Variants in ANO3 observed in about 807,000 individuals in gnomAD.
ANO3 encodes the protein anoctamin-3.
A neutral mutation model predicts 144.8 loss-of-function variants in ANO3; 99 were observed. The observed-to-expected ratio is 0.68, with a 90% CI of 0.58 to 0.81. ANO3 has a LOEUF of 0.81. Ranked by LOEUF, ANO3 falls within the 30% of genes least tolerant of loss-of-function variation. The pLI is 0.00. For missense variants in ANO3, 905 were observed against 1,202.2 expected (o/e 0.75, Z 3.66); for synonymous variants, 414 against 392.6 (o/e 1.05, Z -0.64).
chr11:26,515,832 T>C lies in ANO3; in HGVS notation c.592-995T>C, dbSNP rs186008734. On this transcript the variant is annotated intron_variant, in intron 5 of 26. Transcript: ENST00000256737. ...AACAGTTCTTTTATTTCAGATGTTT[T>C]GCTCCTATAATCACATGAAGGATAA... 3.3e-3 allele frequency among the ~76,000 whole-genome samples: 501 copies of C among 152,096 alleles called. 3 individuals are homozygous for C. Among genetic ancestry groups the C allele is most frequent in the African/African-American group, 0.011 (473 of 41,562 alleles).
chr11:26,628,954 C>A (rs1175591018), intron 18 of ANO3, among the ~76,000 whole-genome samples: 1 of 152,100 alleles, frequency 6.6e-6, no homozygotes, highest in African/African-American at 2.4e-5. Context: ...TCCAGGAAGA[C>A]AAGCCCCTAT....
chr11:26,273,275 C>G (rs1853485885), intron 1 of ANO3, among the ~76,000 whole-genome samples: 1 of 149,972 alleles, frequency 6.7e-6, no homozygotes, highest in African/African-American at 2.5e-5. Flanking sequence ...CCAGCCAGAG[C>G]CCCCATGAGT....
At chr11:26,547,653 T>A in intron 12 of ANO3, 103 bp downstream of exon 12, 2 of 1,083,856 alleles carry the variant, frequency 1.8e-6, no homozygotes, top group Non-Finnish European at 2.7e-6. Context: ...TTGATGATAC[T>A]ACAATTTAAT....
chr11:26,350,042 A>C (rs868845144), intron 1 of ANO3, among the ~76,000 whole-genome samples: 2 of 150,642 alleles, frequency 1.3e-5, no homozygotes, highest in South Asian at 4.4e-4. Context: ...AGAGTTGGGG[A>C]GGAGACAGGA....
At chr11:26,659,135 T>G (rs1853797061) in intron 26 of ANO3, among the ~76,000 whole-genome samples, 1 of 150,840 alleles carries the variant, frequency 6.6e-6, no homozygotes, top group Non-Finnish European at 1.5e-5. Context: ...CATGTATATG[T>G]ATATTGTGTA....
In ANO3 at chr11:26,238,397, T is replaced by A. The variant is rs144511096; in HGVS notation, c.154+49067T>A. ...CAAAATTTGCTGTTGAATTCAATAG[T>A]CTTAATTTAGAATCATCATAGGTTA... is the stretch of plus-strand genomic sequence containing the variant. On this transcript the variant is annotated intron_variant, in intron 1 of 27. Coordinates refer to the ANO3 transcript ENST00000672621. 1.7e-3 allele frequency among the ~76,000 whole-genome samples: 264 copies of A among 152,250 alleles called. 2 individuals carry two copies. Among genetic ancestry groups the A allele is most frequent in the African/African-American group, 5.8e-3 (242 of 41,586 alleles).
At chr11:26,246,752 T>C (rs919424823) in intron 1 of ANO3, among the ~76,000 whole-genome samples, 2 of 152,024 alleles carry the variant, frequency 1.3e-5, no homozygotes, top group Non-Finnish European at 2.9e-5. Context: ...GGTGGGTTTT[T>C]CCTGTGCTGT....
At chr11:26,654,605 C>T (rs2133091690) in intron 24 of ANO3, among the ~76,000 whole-genome samples, 1 of 151,856 alleles carries the variant, frequency 6.6e-6, no homozygotes, top group Middle Eastern at 3.4e-3. Context: ...ATGTCTTTTT[C>T]TTCTACTTGT....
At chr11:26,284,355 C>T (rs1028389298) in intron 1 of ANO3, among the ~76,000 whole-genome samples, 2 of 152,130 alleles carry the variant, frequency 1.3e-5, no homozygotes, top group Non-Finnish European at 2.9e-5. Flanking sequence ...GAACGGGAAG[C>T]AAAGTAAGGG....
chr11:26,413,748 A>G (rs1322255313), intron 1 of ANO3, among the ~76,000 whole-genome samples: 1 of 152,052 alleles, frequency 6.6e-6, no homozygotes, highest in Non-Finnish European at 1.5e-5. Context: ...GTTATTATTA[A>G]AAACAGAACA....
intron 5 of ANO3, among the ~76,000 whole-genome samples, chr11:26,515,631 T>C (rs1861833220): frequency 6.6e-6 from 1 of 152,044 alleles, no homozygotes. Flanking sequence ...TGTTATAGTT[T>C]AATTTTAAAA....
chr11:26,535,227 G>A (rs1332843711), intron 9 of ANO3, among the ~76,000 whole-genome samples: 2 of 152,156 alleles, frequency 1.3e-5, no homozygotes, highest in South Asian at 2.1e-4. Flanking sequence ...TCTGGAAGGT[G>A]AAATAATAGT....
chr11:26,612,251 CT>C (rs1852120709), intron 17 of ANO3, among the ~76,000 whole-genome samples: 1 of 151,850 alleles, frequency 6.6e-6, no homozygotes, highest in Admixed American at 6.6e-5. Context: ...TGTTTTCTTA[CT>C]CTTGGCATTT....
At chr11:26,482,157 C>T (rs1860243356) in intron 4 of ANO3, among the ~76,000 whole-genome samples, 1 of 152,026 alleles carries the variant, frequency 6.6e-6, no homozygotes, top group African/African-American at 2.4e-5. Context: ...TGCAGCCATC[C>T]AAAGTTCTGG....
chr11:26,206,502 C>T, intron 1 of ANO3, among the ~76,000 whole-genome samples: 1 of 152,038 alleles, frequency 6.6e-6, no homozygotes, highest in East Asian at 1.9e-4. Flanking sequence ...TTAATAAGAA[C>T]TAATATCTTC....
At chr11:26,341,610 T>C (rs1855361498) in intron 1 of ANO3, among the ~76,000 whole-genome samples, 1 of 152,146 alleles carries the variant, frequency 6.6e-6, no homozygotes, top group African/African-American at 2.4e-5. Context: ...GATAGATGTG[T>C]ATATGAAAAG....
At chr11:26,526,396 C>A (rs937463923) in intron 7 of ANO3, among the ~76,000 whole-genome samples, 1 of 152,044 alleles carries the variant, frequency 6.6e-6, no homozygotes, top group African/African-American at 2.4e-5. Flanking sequence ...TACCCTTGGC[C>A]GTTTTCTGCA....
chr11:26,415,204 T>G (rs1283795367), intron 1 of ANO3, among the ~76,000 whole-genome samples: 3 of 151,950 alleles, frequency 2.0e-5, no homozygotes, highest in Non-Finnish European at 4.4e-5. Context: ...GTTGTTGGCA[T>G]ATGAAAAAAT....
Position 26,295,406 on chromosome 11 carries a change from T to A in ANO3, c.155-14239T>A, listed in dbSNP as rs369289907. Among the ~76,000 whole-genome samples the A allele has an allele frequency of 1.4e-4, 21 of 149,284 alleles. No homozygotes were observed. In the South Asian group the frequency reaches 2.1e-3, roughly 15 times the overall value. On this transcript the variant is annotated intron_variant, in intron 1 of 27. Coordinates refer to the ANO3 transcript ENST00000672621. Reference sequence around the variant, plus strand: ...CGGGCTTAGTGGCGGGCGCCTATAGTCCCAGCTACTCCGGAGGCTGAGGCA... The same window carrying A: ...CGGGCTTAGTGGCGGGCGCCTATAGACCCAGCTACTCCGGAGGCTGAGGCA...
Sources: gnomAD v4.1 joint callset for allele counts (sites outside exome capture counted in the v4.1 genomes callset) on GRCh38, gnomAD v4.1.1 for gene constraint, MANE v1.5 for transcripts, NCBI Gene and HGNC (gene_info 2026-07-23, HGNC 2026-07-21) for gene names.